The following SLC60A1 variants were observed in gnomAD, a reference collection of about 807,000 sequenced individuals.
SLC60A1 encodes the protein major facilitator superfamily domain containing 4.
chr1:205,600,380 C>T, the SLC60A1 span: 4 of 1,609,844 alleles, frequency 2.5e-6, no homozygotes, highest in Middle Eastern at 1.7e-4. Flanking sequence ...CTGAAACATG[C>T]TACCTGTTTT....
the SLC60A1 span, among the ~76,000 whole-genome samples, chr1:205,582,494 G>T: frequency 6.6e-6 from 1 of 152,206 alleles, no homozygotes; most frequent in Non-Finnish European, 1.5e-5. Context: ...ATAAAATTGG[G>T]TGTGTTCCTG....
chr1:205,598,382 A>C, the SLC60A1 span: 2 of 154,208 alleles, frequency 1.3e-5, no homozygotes, highest in African/African-American at 4.8e-5. Context: ...TTTTTATTGA[A>C]TACTATAATG....
At chr1:205,591,453 A>G in the SLC60A1 span, among the ~76,000 whole-genome samples, 1 of 143,836 alleles carries the variant, frequency 7.0e-6, no homozygotes, top group East Asian at 2.1e-4. Context: ...CTGCACTCCA[A>G]TTTGGGCAAC....
the SLC60A1 span, among the ~76,000 whole-genome samples, chr1:205,583,220 T>C: frequency 6.6e-6 from 1 of 152,222 alleles, no homozygotes; most frequent in Non-Finnish European, 1.5e-5. Context: ...CATTTCCCAC[T>C]GCTCTGAAGG....
chr1:205,600,736 G>A, the SLC60A1 span: 41 of 418,802 alleles, frequency 9.8e-5, no homozygotes, highest in East Asian at 9.3e-4. Context: ...GGAGACAGCC[G>A]CGCGCTTCAC....
At chr1:205,574,935 C>G in the SLC60A1 span, among the ~76,000 whole-genome samples, 1 of 152,236 alleles carries the variant, frequency 6.6e-6, no homozygotes, top group Non-Finnish European at 1.5e-5. Flanking sequence ...ACCAGTTTGT[C>G]TGCCCCTCCC....
chr1:205,580,744 T>G, the SLC60A1 span: 1 of 1,613,720 alleles, frequency 6.2e-7, no homozygotes, highest in South Asian at 1.1e-5. The surrounding 1 kb of genome is among the most constrained non-coding windows in gnomAD (Gnocchi z 5.0). Context: ...ACTGCTTGCC[T>G]GCCAATAGCA....
At chr1:205,600,427 T>C in the SLC60A1 span, 8 of 1,614,008 alleles carry the variant, frequency 5.0e-6, no homozygotes, top group Admixed American at 3.3e-5. Context: ...GACAGATCAA[T>C]TGGAATGGAA....
the SLC60A1 span, chr1:205,569,383 C>A: frequency 1.0e-6 from 1 of 989,760 alleles, no homozygotes; most frequent in Non-Finnish European, 1.3e-6. Flanking sequence ...CGCCCCGCGA[C>A]CCGGCCTCTC....
the SLC60A1 span, among the ~76,000 whole-genome samples, chr1:205,578,683 G>A: frequency 0.31 from 47,461 of 151,790 alleles, 8,202 homozygotes; most frequent in African/African-American, 0.42. Flanking sequence ...TGATCACTGG[G>A]GCCCTCCTCT....
At chr1:205,588,883 T>A in the SLC60A1 span, among the ~76,000 whole-genome samples, 1 of 150,298 alleles carries the variant, frequency 6.7e-6, no homozygotes, top group Non-Finnish European at 1.5e-5. Flanking sequence ...AGGAGGGCAG[T>A]GTGCCCCAGC....
At chr1:205,596,740 G>C in the SLC60A1 span, among the ~76,000 whole-genome samples, 1,152 of 152,132 alleles carry the variant, frequency 7.6e-3, 15 homozygotes, top group African/African-American at 0.026. Context: ...CAAACCACTT[G>C]AAAGTCCTTG....
chr1:205,585,982 C>T, the SLC60A1 span: 2 of 1,516,778 alleles, frequency 1.3e-6, no homozygotes, highest in Non-Finnish European at 8.8e-7. The surrounding 1 kb of genome is among the most constrained non-coding windows in gnomAD (Gnocchi z 4.2). Context: ...TTGTGAGGGT[C>T]ATTGTCTGGC....
the SLC60A1 span, among the ~76,000 whole-genome samples, chr1:205,576,313 A>G: frequency 1.3e-5 from 2 of 152,302 alleles, no homozygotes; most frequent in East Asian, 3.9e-4. Context: ...GCAGGGAGGC[A>G]GTGAGCACCT....
chr1:205,569,863 C>T, the SLC60A1 span, among the ~76,000 whole-genome samples: 1 of 152,142 alleles, frequency 6.6e-6, no homozygotes, highest in Admixed American at 6.5e-5. Context: ...TGTCCCTTCC[C>T]CCGGGTAGCC....
chr1:205,578,377 T>A, the SLC60A1 span, among the ~76,000 whole-genome samples: 904 of 152,276 alleles, frequency 5.9e-3, 10 homozygotes, highest in Non-Finnish European at 7.6e-3. Context: ...TGTGTTAGCA[T>A]TGCCTCCCCA....
At chr1:205,575,299 G>A in the SLC60A1 span, among the ~76,000 whole-genome samples, 1 of 152,206 alleles carries the variant, frequency 6.6e-6, no homozygotes, top group Admixed American at 6.5e-5. Flanking sequence ...GCTGGGAGGG[G>A]AGAGGTGGGA....
the SLC60A1 span, chr1:205,599,172 C>T: frequency 4.8e-5 from 77 of 1,614,024 alleles, no homozygotes; most frequent in Non-Finnish European, 5.8e-5. Context: ...TGGTCTGTGG[C>T]GTGATCTTTG....
At chr1:205,595,577 T>C in the SLC60A1 span, among the ~76,000 whole-genome samples, 1 of 139,054 alleles carries the variant, frequency 7.2e-6, no homozygotes, top group Non-Finnish European at 1.5e-5. Flanking sequence ...GCACGGGCTG[T>C]GCAGGCAATA....
Sources: allele counts gnomAD v4.1 joint callset (sites outside exome capture counted in the v4.1 genomes callset), GRCh38; gene constraint gnomAD v4.1.1; non-coding constraint Gnocchi (gnomAD v3.1); transcripts MANE v1.5; gene names NCBI Gene and HGNC (gene_info 2026-07-23, HGNC 2026-07-21).